The following AATF variants were observed in gnomAD, a reference collection of about 807,000 sequenced individuals.
AATF encodes the protein protein AATF.
AATF carries 48 observed loss-of-function variants against 63.7 expected under a neutral mutation model. The observed-to-expected ratio is 0.75, with a 90% confidence interval of 0.60 to 0.96. The LOEUF (loss-of-function observed/expected upper bound fraction) is 0.96. Ranked by LOEUF, AATF falls within the 40% of genes least tolerant of loss-of-function variation. The probability of loss-of-function intolerance (pLI) is 0.00; values close to 1 mark genes in which losing one functional copy is unlikely to be tolerated. For synonymous variants in AATF, 258 were observed against 247.7 expected (o/e 1.04, Z -0.39); for missense variants, 639 against 685.7 (o/e 0.93, Z 0.76).
intron 8 of AATF, among the ~76,000 whole-genome samples, chr17:37,010,398 C>G (rs1466960302): frequency 6.6e-6 from 1 of 152,188 alleles, no homozygotes; most frequent in Non-Finnish European, 1.5e-5. Flanking sequence ...GCGGAGCTTG[C>G]AGTGAGCCAA....
At chr17:36,989,169 G>C (rs2071193379) in intron 6 of AATF, 78 bp from the exon 7 acceptor site, 15 of 1,459,726 alleles carry the variant, frequency 1.0e-5, no homozygotes, top group Non-Finnish European at 1.4e-5. Context: ...TGCTGACACA[G>C]AAAGATAGAG....
At chr17:37,001,318 A>AAG (rs376237278) in intron 8 of AATF, among the ~76,000 whole-genome samples, 5 of 147,676 alleles carry the variant, frequency 3.4e-5, no homozygotes, top group African/African-American at 7.4e-5. Flanking sequence ...AGACCAAGAA[A>AAG]AGAGAGAGAG....
chr17:36,987,176 A>G, intron 5 of AATF, among the ~76,000 whole-genome samples: 1 of 139,182 alleles, frequency 7.2e-6, no homozygotes. Flanking sequence ...TTTTTTGTAG[A>G]GACAGGGTCT....
At chr17:36,953,995 C>T (rs2070878818) in intron 4 of AATF, 88 bp downstream of exon 4, 5 of 1,428,890 alleles carry the variant, frequency 3.5e-6, no homozygotes, top group East Asian at 2.4e-5. Context: ...GAGCTTGAGC[C>T]ATGTTTATTG....
At chr17:36,963,446 T>C (rs2070965000) in intron 4 of AATF, among the ~76,000 whole-genome samples, 1 of 152,242 alleles carries the variant, frequency 6.6e-6, no homozygotes, top group South Asian at 2.1e-4. Context: ...GATAGCACAA[T>C]GCCACACATT....
chr17:36,951,131 A>AGAAGT (rs576002604), intron 2 of AATF, among the ~76,000 whole-genome samples: 3 of 152,222 alleles, frequency 2.0e-5, no homozygotes, highest in Non-Finnish European at 1.5e-5. Flanking sequence ...GAGTGGAAGA[A>AGAAGT]GGGGCTAGAT....
chr17:36,950,475 C>G (rs569868158), intron 2 of AATF, 70 bp downstream of exon 2: 1 of 1,421,054 alleles, frequency 7.0e-7, no homozygotes, highest in Non-Finnish European at 9.7e-7. Flanking sequence ...CTCCGGTCAT[C>G]CCCCATGATC....
intron 4 of AATF, among the ~76,000 whole-genome samples, chr17:36,984,703 G>A (rs531890445): frequency 6.6e-6 from 1 of 151,858 alleles, no homozygotes; most frequent in African/African-American, 2.4e-5. Context: ...TGGCATAATT[G>A]TAGTTCACTG....
chr17:36,966,725 C>T (rs1445085446), intron 4 of AATF, among the ~76,000 whole-genome samples: 2 of 152,122 alleles, frequency 1.3e-5, no homozygotes, highest in Admixed American at 6.5e-5. Flanking sequence ...GTTCCTGTCT[C>T]AACCAGATGT....
At chr17:37,039,136 C>T (rs1465065476) in intron 11 of AATF, among the ~76,000 whole-genome samples, 1 of 152,150 alleles carries the variant, frequency 6.6e-6, no homozygotes, top group Non-Finnish European at 1.5e-5. Flanking sequence ...TAGGAATATG[C>T]ACTGAATCAT....
chr17:36,950,436 T>TC, intron 2 of AATF, 31 bp downstream of exon 2: 1 of 1,593,266 alleles, frequency 6.3e-7, no homozygotes. Flanking sequence ...GGAACTCTTC[T>TC]CTTCCCTAAT....
At chr17:36,950,869 A>G (rs2070849710) in intron 2 of AATF, among the ~76,000 whole-genome samples, 1 of 152,202 alleles carries the variant, frequency 6.6e-6, no homozygotes, top group Non-Finnish European at 1.5e-5. Context: ...GTGGAGTGAC[A>G]GAGAAGGCAG....
In AATF at chr17:36,981,667, CTTCT is replaced by C. The variant is rs1322386323; in HGVS notation, c.833-4944_833-4941del. 2.8e-5 allele frequency among the ~76,000 whole-genome samples: 4 copies of C among 144,306 alleles called. 1 individual carries two copies. The highest frequency in any genetic ancestry group is 6.1e-5 in the Non-Finnish European group (4 of 65,302). 94.7% of individuals were successfully genotyped at this position (144,306 alleles called of 152,430 possible). On this transcript the variant is annotated intron_variant, in intron 4 of 11. Transcript: ENST00000619387. The stretch of plus-strand genomic sequence containing the variant: ...TTCTTCTTCTTCTTTCTTCCTCTTT[CTTCT>C]TTCTTCTTTCTTCTTCTTCTTCTTT...
At chr17:36,960,833 A>G (rs1337350201) in intron 4 of AATF, among the ~76,000 whole-genome samples, 2 of 152,198 alleles carry the variant, frequency 1.3e-5, no homozygotes, top group Non-Finnish European at 2.9e-5. Flanking sequence ...TGTGAGTAAG[A>G]TTGATCTTTT....
intron 4 of AATF, among the ~76,000 whole-genome samples, chr17:36,977,684 T>C (rs1165846689): frequency 6.6e-6 from 1 of 152,170 alleles, no homozygotes; most frequent in East Asian, 1.9e-4. Flanking sequence ...AAAATGAAAG[T>C]ATCCGCACTC....
intron 8 of AATF, among the ~76,000 whole-genome samples, chr17:37,013,175 T>C (rs1480038324): frequency 6.6e-6 from 1 of 152,194 alleles, no homozygotes; most frequent in Non-Finnish European, 1.5e-5. Context: ...GAATAGACAT[T>C]TCTCCAGTGA....
In AATF at chr17:37,035,318, A is replaced by G. The variant is rs150547560; in HGVS notation, c.1619+3633A>G. 4.0e-5 allele frequency among the ~76,000 whole-genome samples: 6 copies of G among 151,096 alleles called. No homozygotes were observed. The East Asian group carries it at 1.2e-3, about 30-fold the overall frequency. The stretch of plus-strand genomic sequence containing the variant: ...ACTGCAACCTCCGCCTCCTGGGTTC[A>G]AGCGATTCTCCTGCCTCAGCCTCCC... On this transcript the variant is annotated intron_variant, in intron 11 of 11. Coordinates refer to ENST00000619387, the MANE Select transcript of AATF (RefSeq NM_012138.4).
At chr17:36,951,165 A>G (rs543274439) in intron 2 of AATF, among the ~76,000 whole-genome samples, 27 of 152,312 alleles carry the variant, frequency 1.8e-4, no homozygotes, top group African/African-American at 6.5e-4. Context: ...GGAGAATGTC[A>G]TTTGTTTTCC....
At chr17:36,962,565 ATTT>A (rs796321224) in intron 4 of AATF, among the ~76,000 whole-genome samples, 1 of 145,522 alleles carries the variant, frequency 6.9e-6, no homozygotes. Context: ...ATCAGAAACA[ATTT>A]TTTTTTTTTT....
Sources: gnomAD v4.1 joint callset for allele counts (sites outside exome capture counted in the v4.1 genomes callset) on GRCh38, gnomAD v4.1.1 for gene constraint, MANE v1.5 for transcripts, NCBI Gene and HGNC (gene_info 2026-07-23, HGNC 2026-07-21) for gene names.